FHIT: variants seen among roughly 807,000 people sequenced by gnomAD.
FHIT encodes fragile histidine triad diadenosine triphosphatase, also known as bis(5'-adenosyl)-triphosphatase.
In FHIT, 19 loss-of-function variants were observed where a neutral mutation model predicts 17.9. The ratio of observed to expected loss-of-function variants is 1.06; its 90% CI spans 0.74 to 1.56. The LOEUF is 1.56. FHIT is among the 40% of genes most tolerant of loss of function. The pLI, the probability that FHIT is intolerant of heterozygous loss-of-function variation, is 0.00. For synonymous variants in FHIT, 81 were observed against 69.7 expected (o/e 1.16, Z -0.81); for missense variants, 248 against 189.2 (o/e 1.31, Z -1.82).
intron 5 of FHIT, among the ~76,000 whole-genome samples, chr3:60,174,609 A>T (rs1017513819): frequency 1.3e-5 from 2 of 151,842 alleles, no homozygotes; most frequent in African/African-American, 4.8e-5. Context: ...TTGGAACCTG[A>T]TTATAAATCT....
At chr3:60,589,889 C>T (rs1483075509) in intron 4 of FHIT, among the ~76,000 whole-genome samples, 3 of 151,894 alleles carry the variant, frequency 2.0e-5, no homozygotes, top group Non-Finnish European at 4.4e-5. Context: ...CATTGGCATT[C>T]TAATTTATCA....
chr3:60,729,311 G>C (rs1441812873), intron 4 of FHIT, among the ~76,000 whole-genome samples: 1 of 152,200 alleles, frequency 6.6e-6, no homozygotes, highest in Non-Finnish European at 1.5e-5. Flanking sequence ...CATTCACTGG[G>C]ACAACCACAG....
chr3:61,154,837 A>T (rs530761490), intron 2 of FHIT, among the ~76,000 whole-genome samples: 1 of 152,356 alleles, frequency 6.6e-6, no homozygotes, highest in Non-Finnish European at 1.5e-5. Context: ...GTTCTTGTCA[A>T]AACAGCTTTT....
chr3:60,122,298 C>T (rs2361338), intron 5 of FHIT, among the ~76,000 whole-genome samples: 39,539 of 152,016 alleles, frequency 0.26, 5,852 homozygotes, highest in Non-Finnish European at 0.34. Context: ...TCCTATGATA[C>T]GTGTTGTCTG....
At position 60,321,497 on chromosome 3, in the gene FHIT, T is replaced by C. The variant is rs147915258; in HGVS notation, c.103+215363A>G. 3.7e-3 allele frequency among the ~76,000 whole-genome samples: 568 copies of C among 152,134 alleles called. 4 individuals are homozygous for C. Among genetic ancestry groups the C allele is most frequent in the African/African-American group, 0.013 (544 of 41,506 alleles). Reference sequence around the variant, plus strand: ...CTCAAAAAACCAAAAAAAATTCTTATAGCCACCTAAAAGGTTATCTTCACT... The same window carrying C: ...CTCAAAAAACCAAAAAAAATTCTTACAGCCACCTAAAAGGTTATCTTCACT... On this transcript the variant is annotated intron_variant, in intron 5 of 9. Coordinates refer to ENST00000492590, the MANE Select transcript of FHIT (RefSeq NM_002012.4).
chr3:60,443,304 A>C (rs2031059109), intron 5 of FHIT, among the ~76,000 whole-genome samples: 1 of 152,288 alleles, frequency 6.6e-6, no homozygotes, highest in African/African-American at 2.4e-5. Flanking sequence ...AACTTCCAAC[A>C]CTATGTTGAA....
At chr3:60,393,190 A>G (rs1002550312) in intron 5 of FHIT, among the ~76,000 whole-genome samples, 12 of 152,010 alleles carry the variant, frequency 7.9e-5, no homozygotes, top group African/African-American at 2.4e-4. Flanking sequence ...TTGACCCCCA[A>G]TTCTTTAGGG....
intron 5 of FHIT, among the ~76,000 whole-genome samples, chr3:60,356,591 C>T (rs762737114): frequency 5.9e-5 from 9 of 152,014 alleles, no homozygotes; most frequent in Middle Eastern, 3.4e-3. Context: ...TATAAAACAT[C>T]TATTTCAATA....
chr3:60,315,631 G>C (rs1255392591), intron 5 of FHIT, among the ~76,000 whole-genome samples: 1 of 152,190 alleles, frequency 6.6e-6, no homozygotes, highest in Non-Finnish European at 1.5e-5. Context: ...GCAGTAGATG[G>C]TATGTTTTCA....
chr3:60,274,523 T>C (rs1707028683), intron 5 of FHIT, among the ~76,000 whole-genome samples: 1 of 152,166 alleles, frequency 6.6e-6, no homozygotes, highest in African/African-American at 2.4e-5. Flanking sequence ...CTTTGCACAT[T>C]TGAGAATATG....
intron 5 of FHIT, among the ~76,000 whole-genome samples, chr3:60,407,810 C>G (rs778576576): frequency 1.3e-5 from 2 of 152,170 alleles, no homozygotes; most frequent in South Asian, 4.1e-4. Flanking sequence ...AGCCACTGCA[C>G]CTGACCCAAA....
At chr3:60,107,868 T>C (rs1704494809) in intron 5 of FHIT, among the ~76,000 whole-genome samples, 1 of 152,190 alleles carries the variant, frequency 6.6e-6, no homozygotes, top group African/African-American at 2.4e-5. Context: ...CAACCTTTTA[T>C]AAATACAGGA....
chr3:60,400,378 A>G (rs1043656990), intron 5 of FHIT, among the ~76,000 whole-genome samples: 3 of 152,154 alleles, frequency 2.0e-5, no homozygotes, highest in Non-Finnish European at 2.9e-5. Flanking sequence ...GGAGCTCCAT[A>G]TAAGAGGGTG....
chr3:60,721,115 C>G (rs1553707963), intron 4 of FHIT, among the ~76,000 whole-genome samples: 1 of 151,804 alleles, frequency 6.6e-6, no homozygotes, highest in Non-Finnish European at 1.5e-5. Context: ...CAATTAATTC[C>G]TACTGCTAAA....
At chr3:60,185,591 G>T (rs1702124676) in intron 5 of FHIT, among the ~76,000 whole-genome samples, 1 of 152,080 alleles carries the variant, frequency 6.6e-6, no homozygotes, top group African/African-American at 2.4e-5. Context: ...TCCAGTGCAG[G>T]GTTTTCTAAT....
intron 8 of FHIT, among the ~76,000 whole-genome samples, chr3:59,905,573 T>C (rs569680026): frequency 3.9e-5 from 6 of 152,310 alleles, no homozygotes; most frequent in African/African-American, 1.4e-4. Context: ...GAACAAATGA[T>C]GGTAACAATA....
At chr3:60,696,925 G>T (rs1055551585) in intron 4 of FHIT, among the ~76,000 whole-genome samples, 7 of 152,098 alleles carry the variant, frequency 4.6e-5, no homozygotes, top group Non-Finnish European at 1.0e-4. Flanking sequence ...ATTTTGAGGG[G>T]AAGAGTATTT....
intron 8 of FHIT, among the ~76,000 whole-genome samples, chr3:59,877,089 A>G (rs1382249310): frequency 6.6e-6 from 1 of 152,206 alleles, no homozygotes; most frequent in Admixed American, 6.5e-5. Flanking sequence ...TTGAGCCAGA[A>G]GCCAATGCAG....
intron 3 of FHIT, among the ~76,000 whole-genome samples, chr3:60,842,622 TA>T (rs1702765411): frequency 9.7e-6 from 1 of 103,450 alleles, no homozygotes; most frequent in African/African-American, 4.2e-5. Context: ...TACATATATA[TA>T]TGAGTGTATA....
Sources: allele counts gnomAD v4.1 joint callset (sites outside exome capture counted in the v4.1 genomes callset), GRCh38; gene constraint gnomAD v4.1.1; transcripts MANE v1.5; gene names NCBI Gene and HGNC (gene_info 2026-07-23, HGNC 2026-07-21).